The following CDC20B variants were observed in gnomAD, a reference collection of about 807,000 sequenced individuals.
CDC20B encodes cell division cycle protein 20 homolog B.
In CDC20B, 58 loss-of-function variants were observed where a neutral mutation model predicts 64.1. The ratio of observed to expected loss-of-function variants is 0.90; its 90% CI spans 0.73 to 1.13. The LOEUF (loss-of-function observed/expected upper bound fraction) is 1.13, where lower values mean the gene tolerates loss of function less well. Ranked by LOEUF, CDC20B falls within the 50% of genes most tolerant of loss-of-function variation. The pLI is 0.00. For missense variants in CDC20B, 597 were observed against 633.0 expected, an observed-to-expected ratio of 0.94 and a Z score of 0.61; for synonymous variants, 243 against 230.6, an observed-to-expected ratio of 1.05 and a Z score of -0.49.
intron 11 of CDC20B, among the ~76,000 whole-genome samples, chr5:55,117,941 C>A (rs1387923066): frequency 1.3e-5 from 2 of 151,942 alleles, no homozygotes; most frequent in Non-Finnish European, 2.9e-5. Flanking sequence ...ATGGAGAAAC[C>A]CCATCTCTAC....
intron 9 of CDC20B, 36 bp from the exon 10 acceptor site, chr5:55,120,586 C>T: frequency 6.2e-7 from 1 of 1,608,612 alleles, no homozygotes; most frequent in Non-Finnish European, 8.5e-7. Context: ...GACAGGTCAG[C>T]TTCAAAGGAG....
intron 4 of CDC20B, among the ~76,000 whole-genome samples, chr5:55,143,188 TC>T (rs1333885524): frequency 6.6e-6 from 1 of 152,162 alleles, no homozygotes; most frequent in Non-Finnish European, 1.5e-5. Context: ...CAGCAAGAGA[TC>T]CTTAGGCTAA....
chr5:55,162,082 A>G (rs909546683), intron 2 of CDC20B, among the ~76,000 whole-genome samples: 2 of 130,662 alleles, frequency 1.5e-5, no homozygotes, highest in South Asian at 2.5e-4. Context: ...GTTCTAAACC[A>G]TATTAGTCAA....
intron 8 of CDC20B, chr5:55,126,472 A>AAAAAAAAAAACAAAAC (rs1561287650): frequency 2.5e-5 from 7 of 282,834 alleles, no homozygotes; most frequent in African/African-American, 1.4e-4. Context: ...ATGTCAAAAA[A>AAAAAAAAAAACAAAAC]AAAAAAAAAA....
intron 2 of CDC20B, among the ~76,000 whole-genome samples, chr5:55,162,117 CG>C (rs1176771741): frequency 1.4e-5 from 2 of 145,994 alleles, no homozygotes; most frequent in Non-Finnish European, 3.0e-5. Flanking sequence ...AAAAAAAGGC[CG>C]GGCGCGGTGG....
intron 2 of CDC20B, among the ~76,000 whole-genome samples, chr5:55,152,374 A>G (rs995569192): frequency 1.3e-5 from 2 of 152,240 alleles, no homozygotes; most frequent in African/African-American, 2.4e-5. Flanking sequence ...CCTTGTGCTA[A>G]TAACATTTAC....
At chr5:55,158,155 G>C (rs1019973325) in intron 2 of CDC20B, among the ~76,000 whole-genome samples, 1 of 152,160 alleles carries the variant, frequency 6.6e-6, no homozygotes, top group Non-Finnish European at 1.5e-5. Flanking sequence ...TCTGACTCGG[G>C]AAGTCTGGGG....
rs1201728297 is a variant in CDC20B at position 55,146,758 on chromosome 5, T to C, written c.225A>G (p.Thr75=). 2 of 1,614,066 alleles carry C rather than the reference T, an allele frequency of 1.2e-6. No individual in the cohort carries two copies. Residue 75 remains threonine, a synonymous_variant, in exon 3 of 12, where the codon ACA becomes ACG. Transcript: ENST00000381375. ...EVPVASSPIT[T]RWQQSQTRAL... is the part of the protein sequence containing the mutation. ...CCCTAGTTTGACTTTGCTGCCACCT[T>C]GTGGTAATGGGGCTACTCGCAACAG...
chr5:55,119,122 A>G (rs970036874), intron 11 of CDC20B, among the ~76,000 whole-genome samples: 3 of 152,216 alleles, frequency 2.0e-5, no homozygotes, highest in South Asian at 4.1e-4. Flanking sequence ...GACGGGATAT[A>G]TAATCAGAGT....
Position 55,143,463 on chromosome 5 carries a change from G to A in CDC20B, c.486+50C>T, listed in dbSNP as rs1450205410. The A allele has an allele frequency of 2.0e-6, 3 of 1,511,668 alleles. No individual in the cohort carries two copies. In the South Asian group the frequency reaches 4.0e-5, roughly 20 times the overall value. 93.6% of individuals were successfully genotyped at this position (1,511,668 alleles called of 1,614,324 possible). A position where few individuals can be genotyped will look rare whatever the true frequency, so the allele number is the denominator to read the frequency against. On this transcript the variant is annotated intron_variant, in intron 4 of 11. Transcript: ENST00000381375. The stretch of plus-strand genomic sequence containing the variant: ...CTTCCCTTACATTTGCAACTAAGTT[G>A]TCTCAGCTTCTCTAGATGTGGGATC...
intron 3 of CDC20B, 28 bp downstream of exon 3, chr5:55,146,600 C>G (rs1160933050): frequency 1.3e-6 from 2 of 1,515,760 alleles, no homozygotes; most frequent in Admixed American, 1.7e-5. Context: ...CGTTGCAAAA[C>G]GGGGCTGTGG....
chr5:55,128,238 G>A (rs1400466983), intron 7 of CDC20B, among the ~76,000 whole-genome samples, 183 bp downstream of exon 7: 5 of 137,876 alleles, frequency 3.6e-5, no homozygotes, highest in African/African-American at 8.2e-5. Flanking sequence ...GTATCCTTAC[G>A]TTTTCATTAA....
At position 55,146,863 on chromosome 5, in the gene CDC20B, A is replaced by C; in HGVS notation, c.127-7T>G. Reference sequence around the variant, plus strand: ...CATTAACTGAATCGAGTACCTGTTTAACAACAAAAACAGCTGTAAGTCCAC... The same window carrying C: ...CATTAACTGAATCGAGTACCTGTTTCACAACAAAAACAGCTGTAAGTCCAC... On this transcript the variant is annotated splice_region_variant and splice_polypyrimidine_tract_variant and intron_variant, in intron 2 of 11. Transcript: ENST00000381375. The C allele has an allele frequency of 6.2e-7, 1 of 1,608,484 alleles. No individual in the cohort carries two copies. The highest frequency in any genetic ancestry group is 1.7e-5 in the Admixed American group (1 of 59,994).
chr5:55,133,360 G>A (rs1323734066), intron 6 of CDC20B, 52 bp downstream of exon 6: 3 of 863,414 alleles, frequency 3.5e-6, no homozygotes, highest in Non-Finnish European at 5.4e-6. Context: ...CCAGAGCACA[G>A]GATGCATTTT....
chr5:55,115,496 C>T (rs1379481341), intron 11 of CDC20B, among the ~76,000 whole-genome samples: 2 of 152,174 alleles, frequency 1.3e-5, no homozygotes, highest in African/African-American at 4.8e-5. Flanking sequence ...AAATGCTTTG[C>T]AAAATCTGGC....
intron 2 of CDC20B, among the ~76,000 whole-genome samples, chr5:55,169,575 T>A (rs997424817): frequency 6.6e-6 from 1 of 152,204 alleles, no homozygotes; most frequent in African/African-American, 2.4e-5. Flanking sequence ...TTAGATCTCA[T>A]GCTGTCTTCC....
rs1461376044 is a variant in CDC20B, at chr5:55,143,497, T to C, written c.486+16A>G. On this transcript the variant is annotated intron_variant, in intron 4 of 11. Coordinates refer to ENST00000381375, the MANE Select transcript of CDC20B (RefSeq NM_001170402.1). ...TCTCTAGATGTGGGATCTTCAGTTT[T>C]TTTCTCTTTACCTACCTGCCCTTTT... 3 of 1,572,140 alleles carry C rather than the reference T, an allele frequency of 1.9e-6. No homozygotes were observed. Among genetic ancestry groups the C allele is most frequent in the Non-Finnish European group, 2.6e-6 (3 of 1,162,322 alleles).
rs181737937 is a variant in CDC20B, at chr5:55,154,212, C to G, written c.127-7356G>C. Among the ~76,000 whole-genome samples, 664 of 152,206 alleles carry G rather than the reference C, an allele frequency of 4.4e-3. 5 individuals are homozygous for G. Among genetic ancestry groups the G allele is most frequent in the African/African-American group, 0.015 (630 of 41,528 alleles). ...AGGGTGGAAACCTGGGGTGCTTAGT[C>G]TAGGAGAAAGAAGATTCAAAAGGGT... On this transcript the variant is annotated intron_variant, in intron 2 of 11. Transcript: ENST00000381375.
intron 11 of CDC20B, 58 bp downstream of exon 11, chr5:55,119,743 C>T: frequency 9.4e-7 from 1 of 1,061,010 alleles, no homozygotes; most frequent in East Asian, 2.4e-5. Context: ...GGCTTTTCCC[C>T]CCAACAACAG....
Sources: allele counts gnomAD v4.1 joint callset (sites outside exome capture counted in the v4.1 genomes callset), GRCh38; gene constraint gnomAD v4.1.1; transcripts MANE v1.5; gene names NCBI Gene and HGNC (gene_info 2026-07-23, HGNC 2026-07-21).